ADHFE1: variants seen among roughly 807,000 people sequenced by gnomAD.
The protein encoded by ADHFE1 is hydroxyacid-oxoacid transhydrogenase, mitochondrial.
A neutral mutation model predicts 54.8 loss-of-function variants in ADHFE1; 37 were observed. The ratio of observed to expected loss-of-function variants is 0.68; its 90% CI spans 0.52 to 0.89. ADHFE1 has a LOEUF of 0.89. Ranked by LOEUF, ADHFE1 falls within the 40% of genes least tolerant of loss-of-function variation. The pLI, the probability that ADHFE1 is intolerant of heterozygous loss-of-function variation, is 0.00. For missense variants in ADHFE1, 601 were observed against 591.2 expected (o/e 1.02, Z -0.17); for synonymous variants, 203 against 229.3 (o/e 0.89, Z 1.04).
rs1277119545 is a variant in ADHFE1 at position 66,459,489 on chromosome 8, A to G, written c.1163-819A>G. ...ACTGCTCAGGTTGGTCTTGACCTCC[A>G]GGACTCAAGTGATTCTCCTGCCTCA... On this transcript the variant is annotated intron_variant, in intron 12 of 13. Transcript: ENST00000396623. 6.1e-5 allele frequency: 9 copies of G among 147,824 alleles called. No individual in the cohort carries two copies. The East Asian group carries it at 1.8e-3, about 29-fold the overall frequency. 9.2% of individuals were successfully genotyped at this position (147,824 alleles called of 1,614,324 possible). A position where few individuals can be genotyped will look rare whatever the true frequency, so the allele number is the denominator to read the frequency against.
chr8:66,454,212 T>G, intron 10 of ADHFE1, 55 bp downstream of exon 10: 2 of 1,569,432 alleles, frequency 1.3e-6, no homozygotes, highest in South Asian at 1.1e-5. Flanking sequence ...TAAAAAATTT[T>G]TAATGTTTAT....
intron 13 of ADHFE1, among the ~76,000 whole-genome samples, chr8:66,461,861 A>G (rs1806916253): frequency 6.6e-6 from 1 of 152,220 alleles, no homozygotes; most frequent in Admixed American, 6.5e-5. Flanking sequence ...TGCATCTACA[A>G]ATAGAAATGA....
At chr8:66,465,891 C>G (rs1317735220) in intron 13 of ADHFE1, among the ~76,000 whole-genome samples, 1 of 151,950 alleles carries the variant, frequency 6.6e-6, no homozygotes, top group African/African-American at 2.4e-5. Flanking sequence ...AGCCACTGTG[C>G]TCAACCAGAA....
chr8:66,437,234 G>A (rs986481267), intron 1 of ADHFE1, among the ~76,000 whole-genome samples: 32 of 152,320 alleles, frequency 2.1e-4, no homozygotes, highest in South Asian at 1.7e-3. Context: ...GTGGCTGATG[G>A]ATAATGTCTA....
chr8:66,440,145 GTTT>G lies in ADHFE1; in HGVS notation c.60-14_60-12del. 1 of 1,607,540 alleles carries G rather than the reference GTTT, an allele frequency of 6.2e-7. No homozygotes were observed. The highest frequency in any genetic ancestry group is 8.5e-7 in the Non-Finnish European group (1 of 1,178,244). ...TTCACCTTAGGTTTTTTTTGCTGTC[GTTT>G]TTATTTTCCCTAGGTGCCAGTGCCC... On this transcript the variant is annotated splice_polypyrimidine_tract_variant and intron_variant, in intron 1 of 13. Coordinates refer to ENST00000396623, the MANE Select transcript of ADHFE1 (RefSeq NM_144650.3).
intron 13 of ADHFE1, among the ~76,000 whole-genome samples, chr8:66,465,488 A>G (rs1807122069): frequency 6.6e-6 from 1 of 152,174 alleles, no homozygotes; most frequent in Non-Finnish European, 1.5e-5. Flanking sequence ...GCATCTTTTC[A>G]TGTGCTTATT....
At chr8:66,459,432 T>TATATATATA (rs200118083) in intron 12 of ADHFE1, 19 of 81,710 alleles carry the variant, frequency 2.3e-4, no homozygotes, top group African/African-American at 8.4e-4. Context: ...ATATATATAT[T>TATATATATA]TTTTTTTTTT....
Position 66,452,710 on chromosome 8 carries a change from A to C in ADHFE1, c.887+605A>C, listed in dbSNP as rs188940174. On this transcript the variant is annotated intron_variant, in intron 9 of 13. Coordinates refer to ENST00000396623, the MANE Select transcript of ADHFE1 (RefSeq NM_144650.3). ...TGCTGTCCCAGGAGATATAAAAGGC[A>C]GAAAATGTAAAAAGATTCCTAAGAG... Among the ~76,000 whole-genome samples the C allele has an allele frequency of 9.2e-5, 14 of 152,360 alleles. No individual in the cohort carries two copies. The South Asian group carries it at 1.0e-3, about 11-fold the overall frequency.
At chr8:66,456,938 A>C in intron 11 of ADHFE1, 43 bp downstream of exon 11, 1 of 1,453,184 alleles carries the variant, frequency 6.9e-7, no homozygotes, top group Non-Finnish European at 9.2e-7. Flanking sequence ...TATTATAATC[A>C]TCCCAATTTC....
chr8:66,466,591 C>A (rs1807205106), intron 13 of ADHFE1, among the ~76,000 whole-genome samples: 1 of 151,624 alleles, frequency 6.6e-6, no homozygotes, highest in African/African-American at 2.4e-5. Context: ...GTACGGTATA[C>A]TAAAAGAAGG....
chr8:66,457,315 C>CAA, intron 12 of ADHFE1, 149 bp downstream of exon 12: 4 of 512,686 alleles, frequency 7.8e-6, no homozygotes, highest in Admixed American at 7.3e-5. Flanking sequence ...CCCATCTCTA[C>CAA]CAAAAAAAAA....
rs995057791 is a variant in ADHFE1, at chr8:66,460,095, G to C, written c.1163-213G>C. 1.1e-5 allele frequency: 6 copies of C among 550,690 alleles called. No homozygotes were observed. The African/African-American group carries it at 1.2e-4, about 11-fold the overall frequency. The allele number at this position is 550,690 out of a possible 1,614,324, so 34.1% of individuals were successfully genotyped here. On this transcript the variant is annotated intron_variant, in intron 12 of 13. Coordinates refer to ENST00000396623, the MANE Select transcript of ADHFE1 (RefSeq NM_144650.3). ...CTTCTTCCTACCACACAAGGGGCAA[G>C]TATGTAGGACTTGGCAGCCCCTCCG...
intron 1 of ADHFE1, among the ~76,000 whole-genome samples, chr8:66,438,213 T>C (rs573867153): frequency 6.6e-6 from 1 of 152,134 alleles, no homozygotes; most frequent in Admixed American, 6.5e-5. Context: ...AGTTGGGAAT[T>C]TGGTAGTCAT....
chr8:66,467,510 A>T (rs552529072), intron 13 of ADHFE1, among the ~76,000 whole-genome samples: 51 of 152,256 alleles, frequency 3.3e-4, no homozygotes, highest in African/African-American at 1.1e-3. Flanking sequence ...CCCTGGCCTC[A>T]CAAGTTTCCC....
intron 13 of ADHFE1, among the ~76,000 whole-genome samples, chr8:66,460,925 C>G (rs1806866306): frequency 6.6e-6 from 1 of 152,202 alleles, no homozygotes; most frequent in South Asian, 2.1e-4. Flanking sequence ...ACACTATCAC[C>G]AAATTGCTTT....
intron 13 of ADHFE1, among the ~76,000 whole-genome samples, chr8:66,467,534 A>G (rs1249665449): frequency 1.3e-5 from 2 of 151,938 alleles, no homozygotes; most frequent in Non-Finnish European, 2.9e-5. Context: ...CACTAGCTAC[A>G]CTCCCAAACA....
Position 66,432,588 on chromosome 8 carries a change from C to T in ADHFE1, c.59+13C>T, listed in dbSNP as rs372034809. 160 of 1,308,956 alleles carry T rather than the reference C, an allele frequency of 1.2e-4. No homozygotes were observed. Among genetic ancestry groups the T allele is most frequent in the Non-Finnish European group, 1.4e-4 (147 of 1,023,432 alleles). The allele number at this position is 1,308,956 out of a possible 1,614,324, so 81.1% of individuals were successfully genotyped here. A position where few individuals can be genotyped will look rare whatever the true frequency, so the allele number is the denominator to read the frequency against. On this transcript the variant is annotated intron_variant, in intron 1 of 13. Transcript: ENST00000396623. Reference sequence around the variant, plus strand: ...TGCAACGCGCAGCGTGAGTGCGGGGCCGGCGGGCGGGCAGGGGACCGCAGG... The same window carrying T: ...TGCAACGCGCAGCGTGAGTGCGGGGTCGGCGGGCGGGCAGGGGACCGCAGG...
intron 2 of ADHFE1, among the ~76,000 whole-genome samples, chr8:66,441,831 G>A (rs1805760897): frequency 6.6e-6 from 1 of 151,864 alleles, no homozygotes; most frequent in African/African-American, 2.4e-5. Flanking sequence ...AATTAGCCAG[G>A]CATGGTGGTA....
chr8:66,462,282 A>G (rs1586488874), intron 13 of ADHFE1, among the ~76,000 whole-genome samples: 2 of 152,094 alleles, frequency 1.3e-5, no homozygotes, highest in South Asian at 2.1e-4. Context: ...TTTTTTCCGG[A>G]GGGAGGGACA....
Sources: gnomAD v4.1 joint callset for allele counts (sites outside exome capture counted in the v4.1 genomes callset) on GRCh38, gnomAD v4.1.1 for gene constraint, MANE v1.5 for transcripts, NCBI Gene and HGNC (gene_info 2026-07-23, HGNC 2026-07-21) for gene names.